STK32B: variants seen among roughly 807,000 people sequenced by gnomAD.
STK32B encodes the protein serine/threonine-protein kinase 32B.
Under a neutral mutation model 52.6 loss-of-function variants are expected in STK32B, and 43 were observed. The observed-to-expected ratio is 0.82, with a 90% CI of 0.64 to 1.05. STK32B has a LOEUF of 1.05. Among genes scored for constraint, STK32B ranks in the 50% least tolerant of loss-of-function variants. The pLI is 0.00. For synonymous variants in STK32B, 238 were observed against 204.3 expected, an observed-to-expected ratio of 1.17 and a Z score of -1.41; for missense variants, 621 against 534.6, an observed-to-expected ratio of 1.16 and a Z score of -1.59.
chr4:5,096,307 G>A (rs1430024275), intron 1 of STK32B, among the ~76,000 whole-genome samples: 3 of 152,114 alleles, frequency 2.0e-5, no homozygotes, highest in Admixed American at 6.6e-5. Context: ...GCACTTTCCT[G>A]TTAAAAAAAA....
At chr4:5,160,666 T>C (rs1301086298) in intron 2 of STK32B, among the ~76,000 whole-genome samples, 1 of 152,222 alleles carries the variant, frequency 6.6e-6, no homozygotes, top group African/African-American at 2.4e-5. Context: ...CAGCCACAGT[T>C]ATCAGCTAGG....
At chr4:5,490,908 AT>A (rs1328768604) in intron 11 of STK32B, among the ~76,000 whole-genome samples, 1 of 152,150 alleles carries the variant, frequency 6.6e-6, no homozygotes, top group Non-Finnish European at 1.5e-5. Flanking sequence ...TGAACTCATC[AT>A]TTTTTATGGC....
intron 8 of STK32B, among the ~76,000 whole-genome samples, chr4:5,457,346 G>T (rs1253905306): frequency 1.3e-5 from 2 of 151,128 alleles, no homozygotes; most frequent in African/African-American, 2.4e-5. Flanking sequence ...CTCCTGAGTA[G>T]CTGGGACTAC....
At chr4:5,166,283 G>T (rs766076953) in intron 2 of STK32B, among the ~76,000 whole-genome samples, 18 of 151,840 alleles carry the variant, frequency 1.2e-4, no homozygotes, top group Non-Finnish European at 1.9e-4. Flanking sequence ...GCCTGGGTTT[G>T]AGTTGAGCCT....
intron 7 of STK32B, 109 bp downstream of exon 7, chr4:5,446,885 G>A (rs889351280): frequency 1.1e-5 from 11 of 1,005,344 alleles, no homozygotes; most frequent in African/African-American, 3.2e-5. Flanking sequence ...GGAGCACTGG[G>A]GGAGTCACTG....
chr4:5,186,594 A>G (rs765316112), intron 3 of STK32B, among the ~76,000 whole-genome samples: 15 of 152,116 alleles, frequency 9.9e-5, no homozygotes, highest in Non-Finnish European at 1.5e-4. Flanking sequence ...TAGAGATTTC[A>G]AACACCCACC....
At chr4:5,051,940 C>T (rs1424462842) in intron 1 of STK32B, 25 bp downstream of exon 1, 3 of 1,574,254 alleles carry the variant, frequency 1.9e-6, no homozygotes, top group Non-Finnish European at 2.6e-6. Context: ...GGTGCGAATT[C>T]CCGCTTCGCG....
chr4:5,102,428 CCTTCCTTG>C (rs1220889885), intron 1 of STK32B, among the ~76,000 whole-genome samples: 79 of 147,728 alleles, frequency 5.3e-4, no homozygotes, highest in Middle Eastern at 6.9e-3. Flanking sequence ...TCCTTCTTCT[CCTTCCTTG>C]CTTCCTTCCT....
chr4:5,023,453 C>A, the STK32B span, among the ~76,000 whole-genome samples: 1 of 152,332 alleles, frequency 6.6e-6, no homozygotes, highest in East Asian at 1.9e-4. Flanking sequence ...CTCTTTGCCT[C>A]TTACAACTTC....
intron 1 of STK32B, among the ~76,000 whole-genome samples, chr4:5,090,476 C>T (rs372874610): frequency 7.5e-4 from 111 of 148,860 alleles, no homozygotes; most frequent in Middle Eastern, 7.1e-3. Flanking sequence ...CCCAGGTTCA[C>T]GCCGTTCTCC....
chr4:5,451,862 C>T (rs1716031700), intron 7 of STK32B, among the ~76,000 whole-genome samples: 1 of 152,178 alleles, frequency 6.6e-6, no homozygotes, highest in Non-Finnish European at 1.5e-5. Context: ...TGGGATCCTG[C>T]AGGTGAGGCC....
chr4:5,276,188 C>T (rs977430617), intron 3 of STK32B, among the ~76,000 whole-genome samples: 4 of 152,016 alleles, frequency 2.6e-5, no homozygotes, highest in African/African-American at 9.7e-5. Flanking sequence ...GCTTGGGAGG[C>T]TTAGGCAGGA....
At chr4:5,164,140 A>T (rs1382364144) in intron 2 of STK32B, among the ~76,000 whole-genome samples, 1 of 152,234 alleles carries the variant, frequency 6.6e-6, no homozygotes, top group Non-Finnish European at 1.5e-5. Context: ...CAGGTAGCTT[A>T]AAACAGTGGA....
chr4:5,149,093 G>A (rs1717143742), intron 2 of STK32B, among the ~76,000 whole-genome samples: 4 of 151,776 alleles, frequency 2.6e-5, no homozygotes, highest in Admixed American at 1.3e-4. Context: ...TTAAAACGCT[G>A]TGTAAAGTTG....
At chr4:5,275,771 G>A (rs1319513011) in intron 3 of STK32B, among the ~76,000 whole-genome samples, 1 of 152,192 alleles carries the variant, frequency 6.6e-6, no homozygotes, top group South Asian at 2.1e-4. Flanking sequence ...CACCCTGAGA[G>A]TGGCGCACAC....
chr4:5,462,493 C>T (rs1717111086), intron 9 of STK32B, among the ~76,000 whole-genome samples: 1 of 152,120 alleles, frequency 6.6e-6, no homozygotes, highest in Admixed American at 6.6e-5. Flanking sequence ...AGGCAGTCTG[C>T]ATCCCATTTC....
chr4:5,292,932 C>T (rs868132079), intron 3 of STK32B, among the ~76,000 whole-genome samples: 14 of 152,130 alleles, frequency 9.2e-5, no homozygotes, highest in Admixed American at 5.2e-4. Flanking sequence ...TAATGCTATC[C>T]GTTCCCATTG....
chr4:5,329,439 C>T (rs1450622025), intron 3 of STK32B, among the ~76,000 whole-genome samples: 1 of 152,184 alleles, frequency 6.6e-6, no homozygotes, highest in Non-Finnish European at 1.5e-5. Context: ...CTGAGTCACA[C>T]AGCCTGTGCG....
chr4:5,216,031 G>A (rs1266959679), intron 3 of STK32B, among the ~76,000 whole-genome samples: 1 of 152,178 alleles, frequency 6.6e-6, no homozygotes, highest in Non-Finnish European at 1.5e-5. Context: ...TTTGCTTTTT[G>A]TGGTTGCAGA....
Sources: allele counts gnomAD v4.1 joint callset (sites outside exome capture counted in the v4.1 genomes callset), GRCh38; gene constraint gnomAD v4.1.1; transcripts MANE v1.5; gene names NCBI Gene and HGNC (gene_info 2026-07-23, HGNC 2026-07-21).